VAPB: variants seen among roughly 807,000 people sequenced by gnomAD.
The protein encoded by VAPB is vesicle-associated membrane protein-associated protein B/C.
VAPB carries 7 observed loss-of-function variants against 25.6 expected under a neutral mutation model. That is an observed-to-expected ratio of 0.27 (90% CI 0.16 to 0.51). The LOEUF (loss-of-function observed/expected upper bound fraction) is 0.51, where lower values mean the gene tolerates loss of function less well. VAPB is among the 20% of genes least tolerant of loss of function. VAPB has a pLI of 0.97. For missense variants in VAPB, 266 were observed against 301.3 expected (o/e 0.88, Z 0.87); for synonymous variants, 112 against 109.2 (o/e 1.03, Z -0.16).
intron 2 of VAPB, among the ~76,000 whole-genome samples, chr20:58,427,287 AGTGATCT>A (rs200049240): frequency 1.9e-4 from 28 of 148,712 alleles, no homozygotes; most frequent in Middle Eastern, 3.6e-3. Flanking sequence ...TGCAGGCGAA[AGTGATCT>A]GTGATCTGTG....
At chr20:58,435,604 A>G (rs917716137) in intron 3 of VAPB, among the ~76,000 whole-genome samples, 10 of 152,104 alleles carry the variant, frequency 6.6e-5, no homozygotes, top group Non-Finnish European at 1.3e-4. Flanking sequence ...ACCAAGGGCA[A>G]CTCAGGCCAA....
intron 2 of VAPB, among the ~76,000 whole-genome samples, chr20:58,422,389 G>A (rs1988687015): frequency 6.6e-6 from 1 of 152,194 alleles, no homozygotes; most frequent in African/African-American, 2.4e-5. Flanking sequence ...AATAGAGATT[G>A]AAGAAAGGGA....
rs1215203021 is a variant in VAPB, at chr20:58,447,586, A to G, written c.*3351A>G. ...CAGTTTGCAGGCTATGTTGAGTCAG[A>G]TAGAACTGAATGTAGTGAGAGCTCA... On this transcript the variant is annotated 3_prime_UTR_variant, in exon 6 of 6. Transcript: ENST00000475243. The G allele has an allele frequency of 2.2e-6, 1 of 454,022 alleles. No homozygotes were observed. Among genetic ancestry groups the G allele is most frequent in the Non-Finnish European group, 4.4e-6 (1 of 226,804 alleles). 28.1% of individuals were successfully genotyped at this position (454,022 alleles called of 1,614,324 possible).
chr20:58,443,830 T>A (rs1289573654), intron 5 of VAPB, among the ~76,000 whole-genome samples: 1 of 152,060 alleles, frequency 6.6e-6, no homozygotes, highest in African/African-American at 2.4e-5. Flanking sequence ...AGCACCCTGT[T>A]TAGATGTCTG....
At chr20:58,422,319 T>C (rs1026973391) in intron 2 of VAPB, among the ~76,000 whole-genome samples, 4 of 152,198 alleles carry the variant, frequency 2.6e-5, no homozygotes, top group African/African-American at 9.7e-5. Flanking sequence ...TGATACATAC[T>C]ATCAACTAGA....
In VAPB at chr20:58,450,443, A is replaced by T. The variant is rs558793975; in HGVS notation, c.*6208A>T. On this transcript the variant is annotated 3_prime_UTR_variant, in exon 6 of 6. Coordinates refer to ENST00000475243, the MANE Select transcript of VAPB (RefSeq NM_004738.5). ...GTGTGTAGCCTAAGTAAGGTGACTC[A>T]AGATGATACACCGAGAGAAAAATGC... 1 of 453,984 alleles carries T rather than the reference A, an allele frequency of 2.2e-6. No homozygotes were observed. Among genetic ancestry groups the T allele is most frequent in the East Asian group, 7.0e-5 (1 of 14,380 alleles). 28.1% of individuals were successfully genotyped at this position (453,984 alleles called of 1,614,324 possible). A position where few individuals can be genotyped will look rare whatever the true frequency, so the allele number is the denominator to read the frequency against.
At chr20:58,392,073 G>A (rs546651504) in intron 1 of VAPB, among the ~76,000 whole-genome samples, 1 of 152,348 alleles carries the variant, frequency 6.6e-6, no homozygotes, top group East Asian at 1.9e-4. Flanking sequence ...GCACTCATTT[G>A]AGAAAATTTA....
At chr20:58,435,583 CT>C (rs1409160109) in intron 3 of VAPB, among the ~76,000 whole-genome samples, 1 of 152,204 alleles carries the variant, frequency 6.6e-6, no homozygotes, top group Non-Finnish European at 1.5e-5. Context: ...TCTCCTCTGT[CT>C]GAGTTTCATA....
intron 3 of VAPB, among the ~76,000 whole-genome samples, chr20:58,435,296 A>G (rs1989017612): frequency 6.6e-6 from 1 of 152,170 alleles, no homozygotes; most frequent in African/African-American, 2.4e-5. Flanking sequence ...GAAAAAAAAA[A>G]AAGAGTATAA....
intron 1 of VAPB, among the ~76,000 whole-genome samples, chr20:58,398,548 G>A (rs1489445352): frequency 6.9e-6 from 1 of 143,956 alleles, no homozygotes; most frequent in African/African-American, 2.7e-5. Context: ...CAGCCTCTAG[G>A]TATTGGGAGA....
chr20:58,415,824 T>C (rs1175741331), intron 1 of VAPB, among the ~76,000 whole-genome samples: 10 of 152,318 alleles, frequency 6.6e-5, no homozygotes, highest in Admixed American at 5.2e-4. Flanking sequence ...TTATTGAAGG[T>C]TTTGTGTATG....
At chr20:58,405,056 T>C (rs1487030918) in intron 1 of VAPB, among the ~76,000 whole-genome samples, 1 of 151,664 alleles carries the variant, frequency 6.6e-6, no homozygotes, top group Non-Finnish European at 1.5e-5. Context: ...AGGTGATAAA[T>C]GGGAAAAAAA....
chr20:58,444,183 T>C lies in VAPB; in HGVS notation c.680T>C (p.Leu227Pro), dbSNP rs1989223337. The change falls in exon 6 of 6, where the codon CTG becomes CCG. Residue 227 changes from leucine to proline, a missense_variant. Coordinates refer to ENST00000475243, the MANE Select transcript of VAPB (RefSeq NM_004738.5). ...EEGLSTRLLA[L>P]VVLFFIVGVI... ...GGCCTTAGCACCCGGCTCTTGGCTC[T>C]GGTGGTTTTGTTCTTTATCGTTGGT... 1.9e-6 allele frequency: 3 copies of C among 1,614,240 alleles called. No homozygotes were observed. In the South Asian group the frequency reaches 3.3e-5, roughly 18 times the overall value.
intron 1 of VAPB, among the ~76,000 whole-genome samples, chr20:58,396,141 A>G (rs1245061775): frequency 6.6e-6 from 1 of 152,188 alleles, no homozygotes; most frequent in Non-Finnish European, 1.5e-5. Flanking sequence ...TTTTTATTGC[A>G]TAGAACTGTA....
At chr20:58,436,075 T>TGTAA (rs1316113386) in intron 3 of VAPB, among the ~76,000 whole-genome samples, 2 of 152,188 alleles carry the variant, frequency 1.3e-5, no homozygotes, top group Non-Finnish European at 2.9e-5. Context: ...AGTGTGCCTG[T>TGTAA]GTAAGTGCCT....
At chr20:58,403,828 T>G (rs1280557927) in intron 1 of VAPB, among the ~76,000 whole-genome samples, 1 of 152,236 alleles carries the variant, frequency 6.6e-6, no homozygotes, top group Non-Finnish European at 1.5e-5. Flanking sequence ...CCACACTGTA[T>G]TTACCGTTTA....
chr20:58,391,395 G>C (rs1043185203), intron 1 of VAPB, among the ~76,000 whole-genome samples: 4 of 150,274 alleles, frequency 2.7e-5, no homozygotes, highest in African/African-American at 9.7e-5. Context: ...CCTGAAAGAG[G>C]TGTCATTTGA....
In VAPB at chr20:58,448,206, G is replaced by T. The variant is rs1242884318; in HGVS notation, c.*3971G>T. The T allele has an allele frequency of 4.4e-6, 2 of 453,894 alleles. No homozygotes were observed. The highest frequency in any genetic ancestry group is 4.7e-5 in the Admixed American group (2 of 42,538). 28.1% of individuals were successfully genotyped at this position (453,894 alleles called of 1,614,324 possible). ...CAAAGTATATAGATGGATGACTCTA[G>T]TTCATGACATACAAATCCCATAAGG... On this transcript the variant is annotated 3_prime_UTR_variant, in exon 6 of 6. Coordinates refer to ENST00000475243, the MANE Select transcript of VAPB (RefSeq NM_004738.5).
Position 58,434,374 on chromosome 20 carries a change from G to A in VAPB, c.212-228G>A, listed in dbSNP as rs73181493. 0.11 allele frequency among the ~76,000 whole-genome samples: 16,381 copies of A among 152,172 alleles called. 997 individuals are homozygous for A. The highest frequency in any genetic ancestry group is 0.17 in the Middle Eastern group (51 of 294). On this transcript the variant is annotated intron_variant, in intron 2 of 5. Transcript: ENST00000475243. The stretch of plus-strand genomic sequence containing the variant: ...CATGGACTAGGAATCAGAAGACTGG[G>A]TCCTCGGCCTTATTCCCAGCTCTGT...
Sources: gnomAD v4.1 joint callset for allele counts (sites outside exome capture counted in the v4.1 genomes callset) on GRCh38, gnomAD v4.1.1 for gene constraint, MANE v1.5 for transcripts, NCBI Gene and HGNC (gene_info 2026-07-23, HGNC 2026-07-21) for gene names.